The following RLN2 variants were observed in gnomAD, a reference collection of about 807,000 sequenced individuals.
RLN2 encodes prorelaxin H2.
In RLN2, 10 loss-of-function variants were observed where a neutral mutation model predicts 7.3. The observed-to-expected ratio is 1.36, with a 90% confidence interval of 0.84 to 2.31. The LOEUF is 2.31. RLN2 is among the 30% of genes most tolerant of loss of function. The probability of loss-of-function intolerance (pLI) is 0.00; values close to 1 mark genes in which losing one functional copy is unlikely to be tolerated. For synonymous variants in RLN2, 103 were observed against 82.3 expected (o/e 1.25, Z -1.36); for missense variants, 298 against 217.6 (o/e 1.37, Z -2.32).
the RLN2 span, among the ~76,000 whole-genome samples, chr9:5,320,728 C>T: frequency 6.6e-6 from 1 of 151,976 alleles, no homozygotes; most frequent in African/African-American, 2.4e-5. Context: ...TTTAGTATTG[C>T]ATTTAAAGAC....
At chr9:5,326,875 A>G in the RLN2 span, among the ~76,000 whole-genome samples, 18 of 152,076 alleles carry the variant, frequency 1.2e-4, no homozygotes, top group Non-Finnish European at 1.2e-4. Flanking sequence ...GAAAAAATTG[A>G]TAACAGAAAT....
the RLN2 span, among the ~76,000 whole-genome samples, chr9:5,312,020 T>A: frequency 3.9e-5 from 6 of 151,948 alleles, no homozygotes; most frequent in Admixed American, 2.0e-4. Flanking sequence ...ACTTTTTTTT[T>A]AAGCTATGTT....
the RLN2 span, among the ~76,000 whole-genome samples, chr9:5,310,303 C>T: frequency 3.7e-4 from 57 of 152,054 alleles, no homozygotes; most frequent in South Asian, 6.2e-4. Flanking sequence ...AACAAAACCA[C>T]GAGATTCTTG....
At chr9:5,323,896 A>G in the RLN2 span, among the ~76,000 whole-genome samples, 1 of 151,790 alleles carries the variant, frequency 6.6e-6, no homozygotes, top group Non-Finnish European at 1.5e-5. Context: ...AAAATACCTA[A>G]GGTTAGCCAG....
At chr9:5,323,699 T>C in the RLN2 span, among the ~76,000 whole-genome samples, 1 of 152,008 alleles carries the variant, frequency 6.6e-6, no homozygotes, top group Non-Finnish European at 1.5e-5. Context: ...AGTGTACTAA[T>C]GTCTTTAAAT....
the RLN2 span, among the ~76,000 whole-genome samples, chr9:5,324,602 A>C: frequency 6.6e-6 from 1 of 152,022 alleles, no homozygotes; most frequent in Non-Finnish European, 1.5e-5. Context: ...TACCAAACAG[A>C]TTCAAAGATA....
At chr9:5,304,883 T>A (rs990433450), upstream of RLN2, 2 of 375,546 alleles carry the variant, frequency 5.3e-6, no homozygotes, top group Non-Finnish European at 4.9e-6. Flanking sequence ...TTCTTCTCAT[T>A]CATTACCCTC....
the RLN2 span, among the ~76,000 whole-genome samples, chr9:5,315,142 T>C: frequency 0.016 from 2,391 of 151,394 alleles, 90 homozygotes; most frequent in African/African-American, 0.054. Context: ...AGTTTATGAG[T>C]TGCCTGAAAA....
chr9:5,336,025 TAAC>T, the RLN2 span, among the ~76,000 whole-genome samples: 4 of 152,088 alleles, frequency 2.6e-5, no homozygotes, highest in Admixed American at 6.6e-5. Context: ...CGAGTTGTAG[TAAC>T]AACGCTTGAA....
At chr9:5,318,227 C>T in the RLN2 span, among the ~76,000 whole-genome samples, 243 of 152,120 alleles carry the variant, frequency 1.6e-3, 5 homozygotes, top group African/African-American at 5.4e-3. Flanking sequence ...TGACTTCACC[C>T]TGCCACTTTT....
At chr9:5,322,713 T>C in the RLN2 span, among the ~76,000 whole-genome samples, 4 of 152,010 alleles carry the variant, frequency 2.6e-5, no homozygotes, top group Non-Finnish European at 5.9e-5. Context: ...GCCTTTGGGA[T>C]CCTCTCACTG....
the RLN2 span, among the ~76,000 whole-genome samples, chr9:5,332,352 T>C: frequency 6.6e-6 from 1 of 151,910 alleles, no homozygotes; most frequent in African/African-American, 2.4e-5. Flanking sequence ...AAAAATCTAA[T>C]CAATAAAAGA....
At chr9:5,327,016 G>A in the RLN2 span, among the ~76,000 whole-genome samples, 226 of 152,152 alleles carry the variant, frequency 1.5e-3, 4 homozygotes, top group East Asian at 0.034. Flanking sequence ...TCCAACTGAG[G>A]TGCCTGGTTC....
At chr9:5,322,112 G>C in the RLN2 span, among the ~76,000 whole-genome samples, 2 of 152,044 alleles carry the variant, frequency 1.3e-5, no homozygotes, top group African/African-American at 4.8e-5. Context: ...AGAGCAGGTA[G>C]ATTAGGATAT....
At chr9:5,303,011 C>T (rs1348169753) in intron 1 of RLN2, among the ~76,000 whole-genome samples, 2 of 111,102 alleles carry the variant, frequency 1.8e-5, no homozygotes, top group Non-Finnish European at 3.6e-5. Context: ...GTACATTTGT[C>T]TTTAATATGA....
chr9:5,316,627 C>G, the RLN2 span, among the ~76,000 whole-genome samples: 1 of 152,052 alleles, frequency 6.6e-6, no homozygotes, highest in East Asian at 1.9e-4. Context: ...ATGAGCTTAT[C>G]CTTTTTTATG....
At chr9:5,324,466 A>G in the RLN2 span, among the ~76,000 whole-genome samples, 3 of 152,054 alleles carry the variant, frequency 2.0e-5, 1 homozygote, top group Non-Finnish European at 4.4e-5. Context: ...ATAAATTCCA[A>G]TTCCAATGAC....
the RLN2 span, among the ~76,000 whole-genome samples, chr9:5,320,559 T>C: frequency 4.0e-5 from 6 of 151,248 alleles, no homozygotes; most frequent in Non-Finnish European, 7.4e-5. Context: ...TTAGTAGAGA[T>C]GGAGTTTCAC....
chr9:5,332,467 G>C, the RLN2 span, among the ~76,000 whole-genome samples: 2 of 151,858 alleles, frequency 1.3e-5, no homozygotes, highest in East Asian at 1.9e-4. Flanking sequence ...CTAGAAATAA[G>C]GTTTATTTTG....
Sources: allele counts gnomAD v4.1 joint callset (sites outside exome capture counted in the v4.1 genomes callset), GRCh38; gene constraint gnomAD v4.1.1; transcripts MANE v1.5; gene names NCBI Gene and HGNC (gene_info 2026-07-23, HGNC 2026-07-21).